Variants in HDX observed in about 807,000 individuals in gnomAD.
The protein encoded by HDX is highly divergent homeobox.
In HDX, 19 loss-of-function variants were observed where a neutral mutation model predicts 45.2. The observed-to-expected ratio is 0.42, with a 90% confidence interval of 0.29 to 0.62. The LOEUF (loss-of-function observed/expected upper bound fraction) is 0.62, where lower values mean the gene tolerates loss of function less well. Among genes scored for constraint, HDX ranks in the 20% least tolerant of loss-of-function variants. The pLI is 0.20. For missense variants in HDX, 532 were observed against 493.9 expected (o/e 1.08, Z -0.73); for synonymous variants, 188 against 172.8 (o/e 1.09, Z -0.69).
intron 5 of HDX, among the ~76,000 whole-genome samples, chrX:84,425,391 A>G (rs979744975): frequency 8.9e-6 from 1 of 111,739 alleles, no homozygotes; most frequent in Non-Finnish European, 1.9e-5. Flanking sequence ...TACAACCACT[A>G]TGGAGAACAG....
At chrX:84,334,693 A>G (rs1446515496) in intron 8 of HDX, among the ~76,000 whole-genome samples, 1 of 108,585 alleles carries the variant, frequency 9.2e-6, no homozygotes, top group Non-Finnish European at 1.9e-5. Context: ...AAAAAGGTAT[A>G]AGTAAAATCA....
chrX:84,415,659 C>G (rs759871961), intron 5 of HDX, among the ~76,000 whole-genome samples: 2 of 111,910 alleles, frequency 1.8e-5, no homozygotes, highest in East Asian at 5.6e-4. Context: ...TTTGTTTTTC[C>G]TTTTAAATCT....
chrX:84,374,080 T>C (rs2037974059), intron 5 of HDX, among the ~76,000 whole-genome samples: 1 of 110,586 alleles, frequency 9.0e-6, no homozygotes, highest in Non-Finnish European at 1.9e-5. Context: ...ACAAAATCAA[T>C]GTACAAAAAT....
chrX:84,344,365 A>T lies in HDX; in HGVS notation c.1545T>A (p.Pro515=), dbSNP rs764093485. The T allele has an allele frequency of 9.7e-5, 117 of 1,203,063 alleles. No homozygotes were observed. In the East Asian group the frequency reaches 3.1e-3, roughly 32 times the overall value. Reference sequence around the variant, plus strand: ...TGAGTGCAGATAAAGAACCAGACTCAGGCTGCTCAGAGAAATCAGCAGGGC... The same window carrying T: ...TGAGTGCAGATAAAGAACCAGACTCTGGCTGCTCAGAGAAATCAGCAGGGC... ...RGGPADFSEQ[P]ESGSLSALTP... The change falls in exon 7 of 11, where the codon CCT becomes CCA. Residue 515 remains proline, a synonymous_variant. Transcript: ENST00000373177.
intron 1 of HDX, among the ~76,000 whole-genome samples, chrX:84,501,151 C>A (rs928857447): frequency 3.6e-5 from 4 of 111,865 alleles, no homozygotes; most frequent in African/African-American, 6.5e-5. Context: ...CAATTAATAA[C>A]AATACTGTAC....
At chrX:84,433,573 T>G (rs58322933) in intron 5 of HDX, among the ~76,000 whole-genome samples, 9,561 of 111,463 alleles carry the variant, frequency 0.086, 529 homozygotes, top group African/African-American at 0.21. Flanking sequence ...AAACCATACT[T>G]TTGTGGTGAC....
At chrX:84,483,851 A>C (rs5967487) in intron 2 of HDX, among the ~76,000 whole-genome samples, 44,229 of 110,190 alleles carry the variant, frequency 0.4, 7,841 homozygotes, top group African/African-American at 0.69. Flanking sequence ...CCTAAATCAT[A>C]TCTCTCAAGT....
chrX:84,340,088 G>A (rs761337871), intron 7 of HDX, among the ~76,000 whole-genome samples: 1 of 109,866 alleles, frequency 9.1e-6, no homozygotes, highest in East Asian at 2.9e-4. Flanking sequence ...CACAGGGAAA[G>A]GGAAAGGAAA....
At chrX:84,481,314 C>T (rs1227007339) in intron 2 of HDX, among the ~76,000 whole-genome samples, 2 of 110,137 alleles carry the variant, frequency 1.8e-5, no homozygotes, top group African/African-American at 6.6e-5. Flanking sequence ...ATTGTTTTTC[C>T]GTCTTCATTT....
At chrX:84,360,906 T>C (rs1340734276) in intron 6 of HDX, among the ~76,000 whole-genome samples, 1 of 111,708 alleles carries the variant, frequency 9.0e-6, no homozygotes, top group Non-Finnish European at 1.9e-5. Flanking sequence ...GGATATACAT[T>C]TTTTATTCTT....
rs183137837 is a variant in HDX at position 84,332,752 on chromosome X, T to C, written c.1824+1007A>G. On this transcript the variant is annotated intron_variant, in intron 9 of 10. Transcript: ENST00000373177. ...TTGTATTTCAGAACCAACAAACTTATAATTCTGTTAGTTGAAAATACAGTC... is the reference window on the plus strand; with the variant it reads ...TTGTATTTCAGAACCAACAAACTTACAATTCTGTTAGTTGAAAATACAGTC... 2.5e-3 allele frequency among the ~76,000 whole-genome samples: 284 copies of C among 111,752 alleles called. 1 individual carries two copies. The highest frequency in any genetic ancestry group is 9.0e-3 in the African/African-American group (277 of 30,816).
chrX:84,473,640 T>C (rs1189029847), intron 3 of HDX, among the ~76,000 whole-genome samples: 1 of 111,416 alleles, frequency 9.0e-6, no homozygotes, highest in Admixed American at 9.6e-5. Context: ...ACTCTCAATA[T>C]TCAATCACAA....
chrX:84,321,657 T>G lies in HDX; in HGVS notation c.*232A>C. ...CTGCTGAAACTTAAATATAATTTTT[T>G]TCCAGAGTTCCATCAGTTAAAAAAA... On this transcript the variant is annotated 3_prime_UTR_variant, in exon 11 of 11. Transcript: ENST00000373177. The G allele has an allele frequency of 4.6e-6, 1 of 218,573 alleles. No individual in the cohort carries two copies. The highest frequency in any genetic ancestry group is 8.4e-6 in the Non-Finnish European group (1 of 118,385). The allele number at this position is 218,573 out of a possible 1,213,427, so 18.0% of individuals were successfully genotyped here.
intron 5 of HDX, among the ~76,000 whole-genome samples, chrX:84,383,457 T>C (rs2038235653): frequency 8.9e-6 from 1 of 111,792 alleles, no homozygotes; most frequent in Admixed American, 9.5e-5. Context: ...AAGTATATTG[T>C]CATTTTATAT....
intron 9 of HDX, among the ~76,000 whole-genome samples, chrX:84,327,774 T>TA (rs891799879): frequency 1.8e-5 from 2 of 110,934 alleles, no homozygotes; most frequent in Non-Finnish European, 3.8e-5. Context: ...TATGGAACTT[T>TA]AAAAAAAAGA....
chrX:84,423,483 C>CAAAAAAAAAAAAAAA (rs538893311), intron 5 of HDX, among the ~76,000 whole-genome samples: 3 of 59,500 alleles, frequency 5.0e-5, no homozygotes, highest in African/African-American at 6.4e-5. Context: ...ACAGAAACAT[C>CAAAAAAAAAAAAAAA]AAAAAAAAAA....
chrX:84,430,827 CTT>C (rs1275893214), intron 5 of HDX, among the ~76,000 whole-genome samples: 1 of 109,852 alleles, frequency 9.1e-6, no homozygotes, highest in Non-Finnish European at 1.9e-5. Flanking sequence ...CTTTCTCCCT[CTT>C]TCTTTCTTCT....
At chrX:84,410,127 C>T (rs2038952372) in intron 5 of HDX, among the ~76,000 whole-genome samples, 1 of 105,946 alleles carries the variant, frequency 9.4e-6, no homozygotes, top group Admixed American at 1.0e-4. Flanking sequence ...TTCTTCTTTT[C>T]CTATTTGGGT....
At chrX:84,348,486 T>C (rs1402513805) in intron 6 of HDX, among the ~76,000 whole-genome samples, 1 of 112,038 alleles carries the variant, frequency 8.9e-6, no homozygotes, top group South Asian at 3.7e-4. Flanking sequence ...GCTTGCTCTG[T>C]CTCTTCAAAT....
Sources: gnomAD v4.1 joint callset for allele counts (sites outside exome capture counted in the v4.1 genomes callset) on GRCh38, gnomAD v4.1.1 for gene constraint, MANE v1.5 for transcripts, NCBI Gene and HGNC (gene_info 2026-07-23, HGNC 2026-07-21) for gene names.